SHANK2: variants seen among roughly 807,000 people sequenced by gnomAD.
SHANK2 encodes SH3 and multiple ankyrin repeat domains protein 2.
Under a neutral mutation model 133.7 loss-of-function variants are expected in SHANK2, and 43 were observed. That is an observed-to-expected ratio of 0.32 (90% CI 0.25 to 0.41). The LOEUF is 0.41. Among genes scored for constraint, SHANK2 ranks in the 10% least tolerant of loss-of-function variants. SHANK2 has a pLI of 1.00. For synonymous variants in SHANK2, 1,017 were observed against 952.8 expected (o/e 1.07, Z -1.24); for missense variants, 1,994 against 2,235.8 (o/e 0.89, Z 2.18).
intron 3 of SHANK2, 40 bp downstream of exon 3, chr11:71,147,080 T>C (rs546704083): frequency 8.7e-6 from 13 of 1,497,120 alleles, no homozygotes; most frequent in East Asian, 5.0e-5. Flanking sequence ...ACAGGTGACA[T>C]TGTCCAGATG....
chr11:71,165,980 C>T (rs1430453659), intron 2 of SHANK2, among the ~76,000 whole-genome samples: 3 of 152,182 alleles, frequency 2.0e-5, no homozygotes, highest in Non-Finnish European at 4.4e-5. Flanking sequence ...TCTCCAACCT[C>T]CCGCGTGCTG....
intron 15 of SHANK2, among the ~76,000 whole-genome samples, chr11:70,664,244 C>G (rs1944637649): frequency 6.6e-6 from 1 of 152,310 alleles, no homozygotes; most frequent in African/African-American, 2.4e-5. Flanking sequence ...GCCTTCTAGT[C>G]ACCACCCATT....
chr11:70,678,016 A>C (rs1555017621), intron 15 of SHANK2, among the ~76,000 whole-genome samples: 1 of 152,140 alleles, frequency 6.6e-6, no homozygotes, highest in East Asian at 1.9e-4. Flanking sequence ...CCCCCTCCAA[A>C]GACAAAAGAC....
intron 11 of SHANK2, among the ~76,000 whole-genome samples, chr11:70,880,286 C>T (rs1381959215): frequency 2.0e-5 from 3 of 152,142 alleles, no homozygotes; most frequent in Admixed American, 1.3e-4. Flanking sequence ...GTGCACTAAT[C>T]GGGCATCCTG....
At chr11:70,772,045 A>G (rs1555042928) in intron 14 of SHANK2, among the ~76,000 whole-genome samples, 3 of 152,224 alleles carry the variant, frequency 2.0e-5, no homozygotes, top group Non-Finnish European at 4.4e-5. Flanking sequence ...GGGCAAAATG[A>G]CAAAGAGCCC....
chr11:70,592,014 T>C (rs1041867709), intron 17 of SHANK2, among the ~76,000 whole-genome samples: 4 of 151,508 alleles, frequency 2.6e-5, no homozygotes, highest in Admixed American at 6.6e-5. Context: ...GTCTGGGCGA[T>C]AGAGCGAGAC....
At chr11:70,917,103 G>T (rs1269484529) in intron 10 of SHANK2, among the ~76,000 whole-genome samples, 3 of 152,132 alleles carry the variant, frequency 2.0e-5, no homozygotes, top group Admixed American at 2.0e-4. Flanking sequence ...GTCAGGTCTT[G>T]GCCCCGATGT....
chr11:70,612,634 C>A (rs1421868136), intron 17 of SHANK2, among the ~76,000 whole-genome samples: 1 of 152,206 alleles, frequency 6.6e-6, no homozygotes. Context: ...TCCAGAAGCC[C>A]CCAGCGGCCC....
At chr11:70,702,474 A>G (rs1565253808) in intron 14 of SHANK2, among the ~76,000 whole-genome samples, 1 of 151,684 alleles carries the variant, frequency 6.6e-6, no homozygotes, top group Non-Finnish European at 1.5e-5. Flanking sequence ...CATCACCACT[A>G]ATCATCATCA....
intron 17 of SHANK2, among the ~76,000 whole-genome samples, chr11:70,588,810 T>C (rs899776965): frequency 5.9e-5 from 9 of 152,222 alleles, no homozygotes; most frequent in Non-Finnish European, 1.0e-4. Context: ...AGATTTTCAA[T>C]TGAGACAAGA....
chr11:70,677,806 G>A (rs1405827505), intron 15 of SHANK2, among the ~76,000 whole-genome samples: 2 of 152,170 alleles, frequency 1.3e-5, no homozygotes, highest in African/African-American at 4.8e-5. Flanking sequence ...CAAAGCCAGG[G>A]TCCTTGCGTA....
chr11:70,741,695 T>C (rs1228816510), intron 14 of SHANK2, among the ~76,000 whole-genome samples: 3 of 152,208 alleles, frequency 2.0e-5, no homozygotes, highest in African/African-American at 7.2e-5. Context: ...TGGTTGATGC[T>C]TACCTCCTCG....
chr11:70,676,082 G>A (rs948923178), intron 15 of SHANK2, among the ~76,000 whole-genome samples: 1 of 152,126 alleles, frequency 6.6e-6, no homozygotes, highest in Admixed American at 6.5e-5. Context: ...TCTTCAAAGC[G>A]CACTGCAATA....
At chr11:70,885,380 G>C (rs937126652) in intron 11 of SHANK2, among the ~76,000 whole-genome samples, 2 of 152,190 alleles carry the variant, frequency 1.3e-5, no homozygotes, top group Admixed American at 1.3e-4. Context: ...CCCAGAAGAC[G>C]GAAGGAGTCG....
chr11:71,068,776 C>T (rs931452981), intron 9 of SHANK2, among the ~76,000 whole-genome samples: 14 of 152,160 alleles, frequency 9.2e-5, no homozygotes, highest in African/African-American at 3.4e-4. Context: ...CTAGAAACCT[C>T]ATTTGTTCTG....
At chr11:70,843,944 T>G (rs1948955329) in intron 11 of SHANK2, among the ~76,000 whole-genome samples, 1 of 152,200 alleles carries the variant, frequency 6.6e-6, no homozygotes, top group Non-Finnish European at 1.5e-5. Context: ...CATCTTCATC[T>G]TCCTCCTCAG....
chr11:71,132,359 C>T (rs1433570990), intron 3 of SHANK2, among the ~76,000 whole-genome samples: 3 of 152,182 alleles, frequency 2.0e-5, no homozygotes, highest in Non-Finnish European at 4.4e-5. Context: ...GCTTGGGATG[C>T]CAGCAAAGAG....
chr11:70,661,152 A>T (rs1591718839), intron 16 of SHANK2, among the ~76,000 whole-genome samples: 2 of 152,010 alleles, frequency 1.3e-5, no homozygotes, highest in Admixed American at 1.3e-4. Flanking sequence ...GCCAAAGCCC[A>T]CTCCCAGAAT....
At chr11:71,221,132 C>T (rs1301489680) in intron 2 of SHANK2, among the ~76,000 whole-genome samples, 2 of 148,178 alleles carry the variant, frequency 1.3e-5, no homozygotes, top group African/African-American at 5.0e-5. Flanking sequence ...GCCCGGGAGG[C>T]GGAGGTTGCA....
Sources: gnomAD v4.1 joint callset for allele counts (sites outside exome capture counted in the v4.1 genomes callset) on GRCh38, gnomAD v4.1.1 for gene constraint, MANE v1.5 for transcripts, NCBI Gene and HGNC (gene_info 2026-07-23, HGNC 2026-07-21) for gene names.